The following THADA variants were observed in gnomAD, a reference collection of about 807,000 sequenced individuals.
The protein encoded by THADA is tRNA (32-2'-O)-methyltransferase regulator THADA.
A neutral mutation model predicts 219.8 loss-of-function variants in THADA; 213 were observed. The ratio of observed to expected loss-of-function variants is 0.97; its 90% CI spans 0.87 to 1.09. THADA has a LOEUF of 1.09. Ranked by LOEUF, THADA falls within the 50% of genes least tolerant of loss-of-function variation. The probability of loss-of-function intolerance (pLI) is 0.00; values close to 1 mark genes in which losing one functional copy is unlikely to be tolerated. For synonymous variants in THADA, 1,018 were observed against 828.9 expected, an observed-to-expected ratio of 1.23 and a Z score of -3.92; for missense variants, 2,956 against 2,311.3, an observed-to-expected ratio of 1.28 and a Z score of -5.72.
At chr2:43,306,754 T>C (rs914091979) in intron 31 of THADA, among the ~76,000 whole-genome samples, 1 of 152,184 alleles carries the variant, frequency 6.6e-6, no homozygotes, top group African/African-American at 2.4e-5. Flanking sequence ...AGCCCCAACA[T>C]GGAGAGAGGA....
intron 36 of THADA, 62 bp downstream of exon 36, chr2:43,279,703 A>G: frequency 6.7e-7 from 1 of 1,497,740 alleles, no homozygotes; most frequent in Non-Finnish European, 8.9e-7. Flanking sequence ...CTCATTATAG[A>G]AAAGTGTTCC....
intron 30 of THADA, among the ~76,000 whole-genome samples, chr2:43,334,720 A>C (rs1437323877): frequency 6.6e-6 from 1 of 151,766 alleles, no homozygotes; most frequent in Non-Finnish European, 1.5e-5. Flanking sequence ...GCTTGCAGTG[A>C]GCCGAGATCG....
intron 29 of THADA, among the ~76,000 whole-genome samples, chr2:43,370,709 T>C (rs1332983450): frequency 6.6e-6 from 1 of 152,230 alleles, no homozygotes; most frequent in African/African-American, 2.4e-5. Flanking sequence ...ATCACAGCTA[T>C]GTTCAATATT....
chr2:43,492,872 G>C (rs1372523492), intron 25 of THADA, among the ~76,000 whole-genome samples: 1 of 152,112 alleles, frequency 6.6e-6, no homozygotes, highest in African/African-American at 2.4e-5. Flanking sequence ...GAAGAGACAG[G>C]GTTTAAACTA....
intron 26 of THADA, among the ~76,000 whole-genome samples, chr2:43,467,259 A>G (rs1684376879): frequency 6.6e-6 from 1 of 151,556 alleles, no homozygotes; most frequent in Non-Finnish European, 1.5e-5. Flanking sequence ...AATACTGTAT[A>G]TTATTTAACA....
rs1699627040 is a variant in THADA, at chr2:43,574,446, T to C, written c.1619A>G (p.Asp540Gly). 3 of 1,612,990 alleles carry C rather than the reference T, an allele frequency of 1.9e-6. No homozygotes were observed. The highest frequency in any genetic ancestry group is 2.5e-6 in the Non-Finnish European group (3 of 1,179,354). ...LLFILCEGNL[D>G]QKSYVIDYYL... is the part of the protein sequence containing the mutation. The stretch of plus-strand genomic sequence containing the variant: ...ATAATCAATCACGTAAGATTTTTGA[T>C]CCAAGTTTCCTTCACACAATATAAA... Residue 540 changes from aspartate (D) to glycine (G), a missense_variant, in exon 11 of 38, where the codon GAT becomes GGT. Transcript: ENST00000405975.
intron 21 of THADA, among the ~76,000 whole-genome samples, chr2:43,540,351 A>AG (rs533173696): frequency 4.7e-4 from 72 of 152,330 alleles, no homozygotes; most frequent in Non-Finnish European, 8.5e-4. Context: ...ACAGAGTGTG[A>AG]GAAAAAAAGT....
chr2:43,468,862 C>T (rs564652683), intron 26 of THADA, among the ~76,000 whole-genome samples: 2 of 152,216 alleles, frequency 1.3e-5, no homozygotes, highest in Non-Finnish European at 2.9e-5. Flanking sequence ...TATTACCATC[C>T]CCATTTTATG....
At chr2:43,274,607 G>A (rs1672503097) in intron 36 of THADA, among the ~76,000 whole-genome samples, 2 of 152,160 alleles carry the variant, frequency 1.3e-5, no homozygotes, top group African/African-American at 4.8e-5. Flanking sequence ...CTCAGGGAAT[G>A]GGGAGATCCT....
chr2:43,425,801 C>A (rs772779652), intron 28 of THADA, among the ~76,000 whole-genome samples: 2 of 152,050 alleles, frequency 1.3e-5, no homozygotes, highest in South Asian at 4.1e-4. Flanking sequence ...GTGTTATCAC[C>A]CTCATTTGCA....
chr2:43,425,823 T>C lies in THADA; in HGVS notation c.4058+2277A>G, dbSNP rs139714408. Among the ~76,000 whole-genome samples, 369 of 152,260 alleles carry C rather than the reference T, an allele frequency of 2.4e-3. 2 individuals carry two copies. The highest frequency in any genetic ancestry group is 8.2e-3 in the African/African-American group (339 of 41,550). On this transcript the variant is annotated intron_variant, in intron 28 of 37. Transcript: ENST00000405975. ...CACCCTCATTTGCAAGTTGAGGAAA[T>C]TGAGGTTCAGAGAGCAAGCAAGGCA...
At chr2:43,368,421 G>T (rs921251143) in intron 29 of THADA, among the ~76,000 whole-genome samples, 3 of 152,086 alleles carry the variant, frequency 2.0e-5, no homozygotes, top group African/African-American at 7.2e-5. Flanking sequence ...TTTTGAAAGA[G>T]GGTCTTGCTC....
intron 29 of THADA, among the ~76,000 whole-genome samples, chr2:43,346,205 G>C (rs1409774820): frequency 6.6e-6 from 1 of 152,074 alleles, no homozygotes; most frequent in African/African-American, 2.4e-5. Context: ...AGGAAAGAAA[G>C]TTTTATAAGC....
intron 29 of THADA, among the ~76,000 whole-genome samples, chr2:43,354,734 A>G (rs1474215003): frequency 6.6e-6 from 1 of 152,142 alleles, no homozygotes; most frequent in Non-Finnish European, 1.5e-5. Context: ...TATATGGACT[A>G]CATTTTCTTT....
chr2:43,536,027 T>C (rs72867023), intron 21 of THADA, among the ~76,000 whole-genome samples: 29,099 of 151,928 alleles, frequency 0.19, 4,096 homozygotes, highest in African/African-American at 0.39. Flanking sequence ...TGGTCTTGGT[T>C]TCTTGACCTC....
intron 35 of THADA, among the ~76,000 whole-genome samples, chr2:43,280,574 G>A (rs1301929611): frequency 6.6e-6 from 1 of 152,216 alleles, no homozygotes; most frequent in Non-Finnish European, 1.5e-5. Context: ...AGAGGTTGCA[G>A]TGAACTGAGA....
intron 22 of THADA, among the ~76,000 whole-genome samples, chr2:43,509,865 T>C (rs1357563319): frequency 6.6e-6 from 1 of 152,238 alleles, no homozygotes; most frequent in Non-Finnish European, 1.5e-5. Flanking sequence ...GCAGGCTCTG[T>C]GATTCTAAAG....
chr2:43,516,530 C>T (rs1691747081), intron 22 of THADA, among the ~76,000 whole-genome samples: 1 of 152,160 alleles, frequency 6.6e-6, no homozygotes, highest in African/African-American at 2.4e-5. Context: ...GGTTGTACAA[C>T]TGCTAATTTT....
chr2:43,586,710 A>T lies in THADA; in HGVS notation c.476T>A (p.Leu159His). The change falls in exon 6 of 38, where the codon CTT (leucine) becomes CAT (histidine). Residue 159 changes from leucine (L) to histidine (H), a missense_variant. Coordinates refer to ENST00000405975, the MANE Select transcript of THADA (RefSeq NM_022065.5). Reference protein sequence around the residue: ...NLGRASVNNLLKNVLHFLQKS... With the variant: ...NLGRASVNNLHKNVLHFLQKS... ...AAAATAATAGGACTTACCATTTTTA[A>T]GCAGATTATTAACACTTGCTCTACC... 6.2e-7 allele frequency: 1 copy of T among 1,611,782 alleles called. No homozygotes were observed. The highest frequency in any genetic ancestry group is 8.5e-7 in the Non-Finnish European group (1 of 1,179,460).
Sources: allele counts gnomAD v4.1 joint callset (sites outside exome capture counted in the v4.1 genomes callset), GRCh38; gene constraint gnomAD v4.1.1; transcripts MANE v1.5; gene names NCBI Gene and HGNC (gene_info 2026-07-23, HGNC 2026-07-21).